The following GMPR variants were observed in gnomAD, a reference collection of about 807,000 sequenced individuals.
GMPR encodes guanosine monophosphate reductase.
Under a neutral mutation model 38.4 loss-of-function variants are expected in GMPR, and 31 were observed. The ratio of observed to expected loss-of-function variants is 0.81; its 90% confidence interval spans 0.61 to 1.09. The LOEUF is 1.09. Ranked by LOEUF, GMPR falls within the 50% of genes least tolerant of loss-of-function variation. The pLI is 0.00. For synonymous variants in GMPR, 162 were observed against 173.3 expected (o/e 0.93, Z 0.51); for missense variants, 468 against 453.7 (o/e 1.03, Z -0.29).
intron 4 of GMPR, chr6:16,263,444 AAG>A: frequency 6.6e-6 from 1 of 151,890 alleles, no homozygotes; most frequent in Non-Finnish European, 1.5e-5. Flanking sequence ...AAGGGAGAAG[AAG>A]GAGGAATGGA....
At chr6:16,247,131 GT>G (rs1758773553) in intron 2 of GMPR, among the ~76,000 whole-genome samples, 170 bp downstream of exon 2, 1 of 152,100 alleles carries the variant, frequency 6.6e-6, no homozygotes, top group Non-Finnish European at 1.5e-5. Context: ...TGGACTTTGG[GT>G]TCAATGAGAA....
At chr6:16,266,001 C>G (rs1444727113) in intron 4 of GMPR, among the ~76,000 whole-genome samples, 2 of 152,154 alleles carry the variant, frequency 1.3e-5, no homozygotes, top group African/African-American at 4.8e-5. Context: ...AGCTGTAACA[C>G]TCACCGTGAA....
intron 4 of GMPR, among the ~76,000 whole-genome samples, chr6:16,256,508 G>A (rs1758979717): frequency 8.4e-6 from 1 of 119,210 alleles, no homozygotes. Flanking sequence ...TAGCCTGGGA[G>A]ACAGAGTGAG....
intron 7 of GMPR, among the ~76,000 whole-genome samples, chr6:16,289,755 T>C (rs1337383542): frequency 1.3e-5 from 2 of 151,024 alleles, no homozygotes; most frequent in East Asian, 1.9e-4. Flanking sequence ...TGTGGAGAGC[T>C]TCAAGTACAG....
intron 4 of GMPR, among the ~76,000 whole-genome samples, chr6:16,269,578 G>A (rs980598729): frequency 3.9e-5 from 6 of 152,042 alleles, no homozygotes; most frequent in African/African-American, 1.5e-4. Context: ...GGCAGATTGC[G>A]TGAGCCCAGG....
At position 16,265,903 on chromosome 6, in the gene GMPR, A is replaced by G. The variant is rs917699092; in HGVS notation, c.466-8512A>G. Among the ~76,000 whole-genome samples, 46 of 152,334 alleles carry G rather than the reference A, an allele frequency of 3.0e-4. 1 individual carries two copies. Among genetic ancestry groups the G allele is most frequent in the African/African-American group, 1.0e-3 (43 of 41,578 alleles). On this transcript the variant is annotated intron_variant, in intron 4 of 8. Transcript: ENST00000259727. ...TTTATGAGCTGTAACACTTACTGCA[A>G]AGATGTGCAGTTTCACTCCTGAAGT...
intron 3 of GMPR, 55 bp downstream of exon 3, chr6:16,250,422 T>C (rs1189332114): frequency 3.5e-5 from 34 of 970,200 alleles, no homozygotes; most frequent in Admixed American, 8.5e-5. Flanking sequence ...AACAAAATCT[T>C]CAGAGCTGTC....
chr6:16,295,131 G>A lies in GMPR; in HGVS notation c.983G>A (p.Ser328Asn), dbSNP rs994842882. Residue 328 changes from serine to asparagine, a missense_variant, in exon 9 of 9, where the codon AGC becomes AAC. Coordinates refer to ENST00000259727, the MANE Select transcript of GMPR (RefSeq NM_006877.4). ...GGGGCCGCCAAACTCAAGGAGCTCA[G>A]CAGGAGGGCAACATTCATCCGGGTG... ...YVGAAKLKEL[S>N]RRATFIRVTQ... 1.3e-6 allele frequency: 2 copies of A among 1,571,488 alleles called. No individual in the cohort carries two copies. Among genetic ancestry groups the A allele is most frequent in the Non-Finnish European group, 1.7e-6 (2 of 1,165,020 alleles).
At chr6:16,284,495 G>A (rs975636157) in intron 6 of GMPR, among the ~76,000 whole-genome samples, 1 of 152,102 alleles carries the variant, frequency 6.6e-6, no homozygotes, top group African/African-American at 2.4e-5. Flanking sequence ...TTCCCTCTGA[G>A]GTCCTGCTGT....
intron 7 of GMPR, chr6:16,290,167 T>C (rs1363029835): frequency 3.4e-6 from 1 of 298,400 alleles, no homozygotes; most frequent in Admixed American, 4.1e-5. Context: ...GAGTTAGATC[T>C]GAGGAAGGTG....
At chr6:16,257,942 C>G (rs1455610445) in intron 4 of GMPR, 2 of 152,196 alleles carry the variant, frequency 1.3e-5, no homozygotes, top group Non-Finnish European at 2.9e-5. Flanking sequence ...CCATAGCACC[C>G]CAGAAGTCAG....
At chr6:16,262,455 A>G (rs1759105645) in intron 4 of GMPR, 1 of 152,010 alleles carries the variant, frequency 6.6e-6, no homozygotes, top group Non-Finnish European at 1.5e-5. Context: ...TGGCACTTGT[A>G]GCAAGCTCCT....
At chr6:16,282,395 C>T (rs1457527959) in intron 6 of GMPR, among the ~76,000 whole-genome samples, 2 of 151,952 alleles carry the variant, frequency 1.3e-5, no homozygotes, top group Non-Finnish European at 2.9e-5. Flanking sequence ...GAAAATTTTC[C>T]CAGCAAAATG....
intron 1 of GMPR, among the ~76,000 whole-genome samples, chr6:16,243,074 G>A (rs987666149): frequency 6.6e-5 from 10 of 151,996 alleles, no homozygotes; most frequent in African/African-American, 2.2e-4. Context: ...TTTGGGGGCG[G>A]GGGGGAGACA....
chr6:16,274,044 G>C (rs1327632043), intron 4 of GMPR, among the ~76,000 whole-genome samples: 1 of 152,088 alleles, frequency 6.6e-6, no homozygotes, highest in Non-Finnish European at 1.5e-5. Flanking sequence ...TCAATCTCTT[G>C]ACCTCATGAT....
At chr6:16,265,713 C>T (rs557284755) in intron 4 of GMPR, among the ~76,000 whole-genome samples, 4 of 152,296 alleles carry the variant, frequency 2.6e-5, no homozygotes, top group East Asian at 1.9e-4. Flanking sequence ...CACACCACTC[C>T]GCACTCTGTT....
At chr6:16,259,263 G>A (rs1266325523) in intron 4 of GMPR, 3 of 151,956 alleles carry the variant, frequency 2.0e-5, no homozygotes, top group African/African-American at 7.2e-5. Context: ...GATGAGCTAG[G>A]AGAAGGAATT....
intron 6 of GMPR, among the ~76,000 whole-genome samples, chr6:16,280,251 T>A (rs1306460602): frequency 6.6e-6 from 1 of 152,184 alleles, no homozygotes; most frequent in African/African-American, 2.4e-5. Context: ...TTTTAGCCCA[T>A]AGATGATGAA....
chr6:16,244,062 C>A (rs1208054735), intron 1 of GMPR, among the ~76,000 whole-genome samples: 1 of 150,608 alleles, frequency 6.6e-6, no homozygotes, highest in East Asian at 1.9e-4. Flanking sequence ...TCCCCGCTAC[C>A]ATGTTCTGGT....
Sources: gnomAD v4.1 joint callset for allele counts (sites outside exome capture counted in the v4.1 genomes callset) on GRCh38, gnomAD v4.1.1 for gene constraint, MANE v1.5 for transcripts, NCBI Gene and HGNC (gene_info 2026-07-23, HGNC 2026-07-21) for gene names.